The following FAM107B variants were observed in gnomAD, a reference collection of about 807,000 sequenced individuals.
FAM107B encodes the protein family with sequence similarity 107 member B.
FAM107B carries 21 observed loss-of-function variants against 31.5 expected under a neutral mutation model. The observed-to-expected ratio is 0.67, with a 90% CI of 0.47 to 0.96. FAM107B has a LOEUF of 0.96. Ranked by LOEUF, FAM107B falls within the 40% of genes least tolerant of loss-of-function variation. The probability of loss-of-function intolerance (pLI) is 0.00; values close to 1 mark genes in which losing one functional copy is unlikely to be tolerated. For synonymous variants in FAM107B, 157 were observed against 141.5 expected, an observed-to-expected ratio of 1.11 and a Z score of -0.78; for missense variants, 452 against 377.1, an observed-to-expected ratio of 1.20 and a Z score of -1.64.
At chr10:14,572,601 G>A (rs1046323949) in intron 2 of FAM107B, among the ~76,000 whole-genome samples, 3 of 151,210 alleles carry the variant, frequency 2.0e-5, no homozygotes, top group Non-Finnish European at 4.4e-5. Context: ...GTGTGCACCC[G>A]TGGTCCTAGC....
chr10:14,619,121 G>A (rs532928824), intron 2 of FAM107B, among the ~76,000 whole-genome samples: 52 of 152,290 alleles, frequency 3.4e-4, no homozygotes, highest in Non-Finnish European at 4.6e-4. Context: ...AGGGAGCACC[G>A]CCTGTAGATC....
chr10:14,548,840 A>ACACACACG (rs963116987), intron 2 of FAM107B, among the ~76,000 whole-genome samples: 1 of 151,832 alleles, frequency 6.6e-6, no homozygotes, highest in African/African-American at 2.4e-5. Flanking sequence ...ACACACGCAC[A>ACACACACG]CACACACCGA....
At position 14,670,453 on chromosome 10, in the gene FAM107B, G is replaced by C. The variant is rs908765789; in HGVS notation, c.412-2762C>G. ...ATCACACAGCAAATAAATGCAGTAA[G>C]TCATTTCTTGTTTCACAAGGCCTGA... On this transcript the variant is annotated intron_variant, in intron 1 of 4. Coordinates refer to ENST00000181796, the MANE Select transcript of FAM107B (RefSeq NM_031453.4). Among the ~76,000 whole-genome samples, 5 of 152,182 alleles carry C rather than the reference G, an allele frequency of 3.3e-5. No homozygotes were observed. In the South Asian group the frequency reaches 6.2e-4, roughly 19 times the overall value.
At chr10:14,716,020 AATAGAT>A (rs1855771533) in intron 1 of FAM107B, among the ~76,000 whole-genome samples, 1 of 152,224 alleles carries the variant, frequency 6.6e-6, no homozygotes, top group Non-Finnish European at 1.5e-5. Flanking sequence ...TCTCCAGAGA[AATAGAT>A]ATATAGAATA....
chr10:14,619,041 AC>A (rs1852926583), intron 2 of FAM107B, among the ~76,000 whole-genome samples: 1 of 152,134 alleles, frequency 6.6e-6, no homozygotes, highest in Admixed American at 6.6e-5. Context: ...GCCAGCAAGT[AC>A]CAGAGGTTAG....
At chr10:14,567,959 G>C (rs551888443) in intron 2 of FAM107B, among the ~76,000 whole-genome samples, 49 of 152,324 alleles carry the variant, frequency 3.2e-4, no homozygotes, top group Middle Eastern at 6.8e-3. Context: ...TGCCACTCCA[G>C]TCTCAGGCAA....
At chr10:14,591,614 TAACGGCATTGGGAGA>T (rs1218425198) in intron 2 of FAM107B, among the ~76,000 whole-genome samples, 1 of 152,200 alleles carries the variant, frequency 6.6e-6, no homozygotes, top group Non-Finnish European at 1.5e-5. Context: ...CGATGAATGC[TAACGGCATTGGGAGA>T]AAGATCGATG....
At chr10:14,671,899 A>C (rs1341868907) in intron 1 of FAM107B, among the ~76,000 whole-genome samples, 3 of 150,540 alleles carry the variant, frequency 2.0e-5, no homozygotes, top group Non-Finnish European at 3.0e-5. Flanking sequence ...AAAACAAAAA[A>C]AAAACCCTCT....
At chr10:14,559,199 G>A (rs1035416245) in intron 2 of FAM107B, among the ~76,000 whole-genome samples, 2 of 151,938 alleles carry the variant, frequency 1.3e-5, no homozygotes, top group African/African-American at 4.8e-5. Flanking sequence ...AGTACAACAC[G>A]GCCTGTGCCA....
intron 1 of FAM107B, among the ~76,000 whole-genome samples, chr10:14,699,786 A>AT (rs1470983796): frequency 6.6e-6 from 1 of 152,156 alleles, no homozygotes; most frequent in African/African-American, 2.4e-5. Context: ...TTTTCACTTA[A>AT]TTTTCAAGGC....
At chr10:14,651,119 G>A (rs927665203) in intron 2 of FAM107B, among the ~76,000 whole-genome samples, 6 of 152,152 alleles carry the variant, frequency 3.9e-5, no homozygotes, top group African/African-American at 1.4e-4. Flanking sequence ...GTCTACTTCT[G>A]GGGGAACCAA....
At chr10:14,714,135 C>T (rs1435523681) in intron 1 of FAM107B, among the ~76,000 whole-genome samples, 1 of 152,198 alleles carries the variant, frequency 6.6e-6, no homozygotes, top group Non-Finnish European at 1.5e-5. Context: ...CTGTGACACA[C>T]AATTCACCTA....
At chr10:14,768,654 A>C (rs1833234463) in intron 1 of FAM107B, among the ~76,000 whole-genome samples, 1 of 152,350 alleles carries the variant, frequency 6.6e-6, no homozygotes, top group Middle Eastern at 3.4e-3. Context: ...ATACTTTAAA[A>C]CAGTTACAAT....
intron 1 of FAM107B, among the ~76,000 whole-genome samples, chr10:14,712,956 C>A (rs541120658): frequency 1.3e-5 from 2 of 152,182 alleles, no homozygotes; most frequent in African/African-American, 4.8e-5. Flanking sequence ...CCTTCCTGGA[C>A]CCTCTTCCTA....
At chr10:14,550,448 A>G (rs1351875027) in intron 2 of FAM107B, among the ~76,000 whole-genome samples, 2 of 152,210 alleles carry the variant, frequency 1.3e-5, no homozygotes, top group Non-Finnish European at 2.9e-5. Context: ...ATTGCATTGC[A>G]ATCAAGTCTG....
At chr10:14,548,474 T>C (rs1046385160) in intron 2 of FAM107B, 15 of 985,604 alleles carry the variant, frequency 1.5e-5, no homozygotes, top group Non-Finnish European at 1.8e-5. Flanking sequence ...AGGGCTCCTC[T>C]GCAGTTCACA....
At chr10:14,727,090 C>T (rs950842624) in intron 1 of FAM107B, among the ~76,000 whole-genome samples, 6 of 152,040 alleles carry the variant, frequency 3.9e-5, no homozygotes, top group African/African-American at 7.2e-5. Context: ...ATAGGGTTCA[C>T]GCTTCTGTGA....
chr10:14,595,741 ATCC>A, intron 2 of FAM107B, among the ~76,000 whole-genome samples: 1 of 152,314 alleles, frequency 6.6e-6, no homozygotes. Context: ...CATAAAGCTC[ATCC>A]TCCACCAGTC....
chr10:14,614,316 G>A (rs1416084521), intron 2 of FAM107B, among the ~76,000 whole-genome samples: 4 of 152,100 alleles, frequency 2.6e-5, no homozygotes, highest in Non-Finnish European at 5.9e-5. Flanking sequence ...GGGAGAAACT[G>A]AGGCCTGTGC....
Sources: gnomAD v4.1 joint callset for allele counts (sites outside exome capture counted in the v4.1 genomes callset) on GRCh38, gnomAD v4.1.1 for gene constraint, MANE v1.5 for transcripts, NCBI Gene and HGNC (gene_info 2026-07-23, HGNC 2026-07-21) for gene names.